Variants in FAM184A observed in about 807,000 individuals in gnomAD.
FAM184A encodes the protein protein FAM184A.
FAM184A carries 99 observed loss-of-function variants against 143.8 expected under a neutral mutation model. The ratio of observed to expected loss-of-function variants is 0.69; its 90% CI spans 0.58 to 0.81. FAM184A has a LOEUF of 0.81. Ranked by LOEUF, FAM184A falls within the 40% of genes least tolerant of loss-of-function variation. FAM184A has a pLI of 0.00. For missense variants in FAM184A, 1,217 were observed against 1,310.5 expected, an observed-to-expected ratio of 0.93 and a Z score of 1.10; for synonymous variants, 427 against 446.4, an observed-to-expected ratio of 0.96 and a Z score of 0.55.
intron 1 of FAM184A, among the ~76,000 whole-genome samples, chr6:119,147,807 C>A (rs1582656912): frequency 6.6e-6 from 1 of 152,302 alleles, no homozygotes; most frequent in East Asian, 1.9e-4. Context: ...TCTGTACCTA[C>A]CCCTAACCAA....
intron 1 of FAM184A, among the ~76,000 whole-genome samples, chr6:119,134,509 C>T (rs1031160205): frequency 6.6e-6 from 1 of 151,836 alleles, no homozygotes; most frequent in Non-Finnish European, 1.5e-5. Flanking sequence ...AGTAAATTAG[C>T]TGGGCATGGT....
At chr6:119,109,074 TC>T (rs1487575669) in intron 1 of FAM184A, among the ~76,000 whole-genome samples, 2 of 145,490 alleles carry the variant, frequency 1.4e-5, no homozygotes, top group African/African-American at 5.7e-5. Context: ...TTGTAAATTA[TC>T]CCTATTCCTA....
chr6:119,065,630 T>C (rs1582576699), intron 1 of FAM184A, among the ~76,000 whole-genome samples: 2 of 152,202 alleles, frequency 1.3e-5, no homozygotes, highest in Admixed American at 1.3e-4. Context: ...ACACAGTATA[T>C]GACAGACCCG....
intron 1 of FAM184A, among the ~76,000 whole-genome samples, chr6:119,048,903 G>C (rs188755971): frequency 6.6e-6 from 1 of 152,082 alleles, no homozygotes; most frequent in Non-Finnish European, 1.5e-5. Context: ...TGGATACAAA[G>C]AATCAATATC....
chr6:119,131,556 G>A (rs1040646561), intron 1 of FAM184A, among the ~76,000 whole-genome samples: 2 of 152,098 alleles, frequency 1.3e-5, no homozygotes, highest in African/African-American at 4.8e-5. Context: ...TGTGATCACG[G>A]CTCCCCGCAG....
chr6:119,080,243 G>C (rs894807341), upstream of FAM184A, among the ~76,000 whole-genome samples: 1 of 152,194 alleles, frequency 6.6e-6, no homozygotes, highest in African/African-American at 2.4e-5. Flanking sequence ...AAATGAATGT[G>C]TAGCATTAGT....
At chr6:118,977,037 C>G (rs573962369) in intron 11 of FAM184A, among the ~76,000 whole-genome samples, 1 of 152,148 alleles carries the variant, frequency 6.6e-6, no homozygotes, top group Non-Finnish European at 1.5e-5. Flanking sequence ...CAACCGCACT[C>G]CTAGGCACTT....
rs1242579735 is a variant in FAM184A at position 119,078,600 on chromosome 6, G to A, written c.-301C>T. On this transcript the variant is annotated 5_prime_UTR_variant, in exon 1 of 18. Coordinates refer to ENST00000338891, the MANE Select transcript of FAM184A (RefSeq NM_024581.6). The surrounding 1 kb of genome is among the most constrained non-coding windows in gnomAD (Gnocchi z 5.5). ...GGCTCCTCGGCCCGCGCCTGGCGGA[G>A]GCGTCGAGGACAGCGCAGCTCCGCG... The A allele has an allele frequency of 1.3e-5, 3 of 226,480 alleles. No homozygotes were observed. The East Asian group carries it at 2.7e-4, about 20-fold the overall frequency. The allele number at this position is 226,480 out of a possible 1,614,324, so 14.0% of individuals were successfully genotyped here. A position where few individuals can be genotyped will look rare whatever the true frequency, so the allele number is the denominator to read the frequency against.
At chr6:118,969,292 G>A (rs910934441) in intron 14 of FAM184A, among the ~76,000 whole-genome samples, 12 of 152,176 alleles carry the variant, frequency 7.9e-5, no homozygotes, top group East Asian at 5.8e-4. Flanking sequence ...TATTAGCAGC[G>A]TGAGAACGGA....
In FAM184A at chr6:118,975,213, TAA is replaced by T. The variant is rs78125835; in HGVS notation, c.2584-7_2584-6del. 39 of 1,283,092 alleles carry T rather than the reference TAA, an allele frequency of 3.0e-5. No homozygotes were observed. The highest frequency in any genetic ancestry group is 1.4e-4 in the South Asian group (9 of 63,776). 79.5% of individuals were successfully genotyped at this position (1,283,092 alleles called of 1,614,324 possible). ...TCTACATATGTGCTCCTTACTCTGT[TAA>T]AAAAAAAAAGTCATTTTTAGAAGTT... On this transcript the variant is annotated splice_polypyrimidine_tract_variant and splice_region_variant and intron_variant, in intron 12 of 17. Transcript: ENST00000338891.
chr6:118,964,956 A>C (rs981391438), intron 15 of FAM184A, among the ~76,000 whole-genome samples, 185 bp from the exon 16 acceptor site: 7 of 152,172 alleles, frequency 4.6e-5, no homozygotes, highest in Non-Finnish European at 8.8e-5. Flanking sequence ...TAAGTTTTCA[A>C]CACCTTTTAA....
At chr6:118,965,459 T>A (rs1269210410) in intron 15 of FAM184A, among the ~76,000 whole-genome samples, 1 of 152,168 alleles carries the variant, frequency 6.6e-6, no homozygotes, top group African/African-American at 2.4e-5. Context: ...CACATAGAGA[T>A]AAAACCTTTA....
chr6:119,008,121 T>C (rs1317095835), intron 6 of FAM184A, among the ~76,000 whole-genome samples: 1 of 152,188 alleles, frequency 6.6e-6, no homozygotes, highest in Non-Finnish European at 1.5e-5. Flanking sequence ...CAGTTTGTTT[T>C]CTTAAATACA....
chr6:119,131,357 G>A (rs2114876234), intron 1 of FAM184A, among the ~76,000 whole-genome samples: 1 of 152,250 alleles, frequency 6.6e-6, no homozygotes, highest in East Asian at 1.9e-4. Flanking sequence ...TGGAATAAAT[G>A]TGGAAACAAG....
At chr6:118,991,437 A>C (rs887499573) in intron 9 of FAM184A, among the ~76,000 whole-genome samples, 6 of 152,202 alleles carry the variant, frequency 3.9e-5, no homozygotes, top group African/African-American at 1.4e-4. Context: ...TGCTGGGATT[A>C]CAGGTGTGAG....
intron 9 of FAM184A, among the ~76,000 whole-genome samples, chr6:118,990,400 C>T (rs901647879): frequency 1.1e-4 from 16 of 152,228 alleles, no homozygotes; most frequent in Admixed American, 9.8e-4. Flanking sequence ...CCTCTGTCCA[C>T]ACCCAGTTGC....
intron 1 of FAM184A, among the ~76,000 whole-genome samples, chr6:119,067,630 G>T (rs145348378): frequency 6.6e-6 from 1 of 152,224 alleles, no homozygotes; most frequent in African/African-American, 2.4e-5. Flanking sequence ...ATAAAACAAG[G>T]TTATACATTG....
intron 1 of FAM184A, among the ~76,000 whole-genome samples, chr6:119,055,095 G>C (rs1423421414): frequency 6.6e-6 from 1 of 151,994 alleles, no homozygotes; most frequent in African/African-American, 2.4e-5. Flanking sequence ...TCTACTTTCT[G>C]TCTCTATGGA....
chr6:119,033,184 C>T lies in FAM184A; in HGVS notation c.160-8371G>A, dbSNP rs149832554. On this transcript the variant is annotated intron_variant, in intron 1 of 17. Transcript: ENST00000338891. ...TCACTGTTTGGAGCCGGGGTATTAG[C>T]ACCACATCTCAATATGTCATCCTTA... is the stretch of plus-strand genomic sequence containing the variant. 6.2e-3 allele frequency among the ~76,000 whole-genome samples: 941 copies of T among 152,288 alleles called. 7 individuals carry two copies. The highest frequency in any genetic ancestry group is 0.021 in the African/African-American group (878 of 41,552).
Sources: allele counts gnomAD v4.1 joint callset (sites outside exome capture counted in the v4.1 genomes callset), GRCh38; gene constraint gnomAD v4.1.1; non-coding constraint Gnocchi (gnomAD v3.1); transcripts MANE v1.5; gene names NCBI Gene and HGNC (gene_info 2026-07-23, HGNC 2026-07-21).